Variants in SUSD1 observed in about 807,000 individuals in gnomAD.
SUSD1 encodes the protein sushi domain containing 1.
SUSD1 carries 65 observed loss-of-function variants against 86.9 expected under a neutral mutation model. The ratio of observed to expected loss-of-function variants is 0.75; its 90% CI spans 0.61 to 0.92. SUSD1 has a LOEUF of 0.92. SUSD1 is among the 40% of genes least tolerant of loss of function. SUSD1 has a pLI of 0.00. For missense variants in SUSD1, 850 were observed against 929.7 expected, an observed-to-expected ratio of 0.91 and a Z score of 1.11; for synonymous variants, 346 against 350.0, an observed-to-expected ratio of 0.99 and a Z score of 0.13.
intron 3 of SUSD1, among the ~76,000 whole-genome samples, chr9:112,144,752 T>C (rs1260736047): frequency 6.6e-6 from 1 of 152,216 alleles, no homozygotes; most frequent in South Asian, 2.1e-4. Flanking sequence ...CTTACTAATT[T>C]TATGAAAATG....
At chr9:112,164,000 C>CAA (rs1167956245) in intron 1 of SUSD1, among the ~76,000 whole-genome samples, 1 of 141,640 alleles carries the variant, frequency 7.1e-6, no homozygotes, top group Non-Finnish European at 1.5e-5. Flanking sequence ...GACTCTGTCT[C>CAA]AAAAAAAAAA....
At chr9:112,044,921 T>C (rs895538597) in intron 15 of SUSD1, among the ~76,000 whole-genome samples, 1 of 151,820 alleles carries the variant, frequency 6.6e-6, no homozygotes, top group African/African-American at 2.4e-5. Flanking sequence ...ATACAGAGAG[T>C]GTTACAGATT....
chr9:112,160,232 T>G (rs771912480), intron 1 of SUSD1, among the ~76,000 whole-genome samples: 2 of 152,112 alleles, frequency 1.3e-5, no homozygotes, highest in African/African-American at 2.4e-5. Flanking sequence ...AGACAAAAGA[T>G]GCTAAAAGTA....
intron 9 of SUSD1, among the ~76,000 whole-genome samples, chr9:112,099,194 C>T (rs1830526321): frequency 6.6e-6 from 1 of 152,108 alleles, no homozygotes; most frequent in African/African-American, 2.4e-5. Context: ...AGGCATGCAC[C>T]ACCACACCTG....
intron 13 of SUSD1, 43 bp downstream of exon 13, chr9:112,062,894 A>G: frequency 5.9e-6 from 8 of 1,345,166 alleles, no homozygotes; most frequent in Non-Finnish European, 6.3e-6. Context: ...AAAACACTCC[A>G]TGGGGATCAC....
chr9:112,042,278 A>C, intron 15 of SUSD1: 2 of 833,290 alleles, frequency 2.4e-6, no homozygotes, highest in Non-Finnish European at 3.7e-6. Context: ...TGGTCCTCTC[A>C]CAATCAATTA....
chr9:112,103,674 T>C (rs754048227), intron 8 of SUSD1, among the ~76,000 whole-genome samples: 2 of 152,110 alleles, frequency 1.3e-5, no homozygotes, highest in Non-Finnish European at 2.9e-5. Context: ...TAAAAATGGG[T>C]CAAAATTTGC....
intron 1 of SUSD1, among the ~76,000 whole-genome samples, chr9:112,172,374 C>T (rs1589764221): frequency 6.6e-6 from 1 of 152,204 alleles, no homozygotes; most frequent in Non-Finnish European, 1.5e-5. Flanking sequence ...CTCCTAGTTT[C>T]CTTGACTAAA....
At chr9:112,072,622 T>C (rs1019303412) in intron 12 of SUSD1, among the ~76,000 whole-genome samples, 1 of 152,200 alleles carries the variant, frequency 6.6e-6, no homozygotes, top group African/African-American at 2.4e-5. Flanking sequence ...ATTCAGATGC[T>C]GGTAGCAAGA....
At chr9:112,083,406 G>A (rs961366860) in intron 10 of SUSD1, among the ~76,000 whole-genome samples, 2 of 151,944 alleles carry the variant, frequency 1.3e-5, no homozygotes, top group African/African-American at 4.8e-5. Flanking sequence ...TGTTGTATTT[G>A]TAGTAGAAAC....
intron 1 of SUSD1, among the ~76,000 whole-genome samples, chr9:112,172,547 C>T (rs1049886102): frequency 3.0e-4 from 46 of 152,204 alleles, no homozygotes; most frequent in African/African-American, 1.1e-3. Context: ...GATTTCATCT[C>T]TCCAAATCCA....
At chr9:112,046,589 C>G (rs1361138256) in intron 15 of SUSD1, among the ~76,000 whole-genome samples, 1 of 152,212 alleles carries the variant, frequency 6.6e-6, no homozygotes, top group Non-Finnish European at 1.5e-5. Context: ...CCTATTTCTA[C>G]TCTCAGACTT....
At chr9:112,155,276 C>G (rs1052021690) in intron 2 of SUSD1, among the ~76,000 whole-genome samples, 22 of 151,804 alleles carry the variant, frequency 1.4e-4, no homozygotes, top group Non-Finnish European at 2.7e-4. Flanking sequence ...AAAGGGCAAG[C>G]TAGCACCCAT....
At chr9:112,102,454 C>T (rs4979082) in intron 8 of SUSD1, among the ~76,000 whole-genome samples, 169 bp from the exon 9 acceptor site, 1 of 152,108 alleles carries the variant, frequency 6.6e-6, no homozygotes, top group African/African-American at 2.4e-5. Context: ...GGCTCTCCAG[C>T]TTCTCAATTG....
At chr9:112,111,429 C>G (rs144371123) in intron 8 of SUSD1, among the ~76,000 whole-genome samples, 1 of 152,076 alleles carries the variant, frequency 6.6e-6, no homozygotes, top group Non-Finnish European at 1.5e-5. Flanking sequence ...CCACCTCTCC[C>G]GGAGGGCTCA....
intron 7 of SUSD1, 106 bp downstream of exon 7, chr9:112,112,665 A>T: frequency 1.4e-6 from 1 of 726,378 alleles, no homozygotes; most frequent in Non-Finnish European, 2.3e-6. Context: ...AAGAAAAAAA[A>T]ACAGCAATTA....
At chr9:112,108,469 C>T (rs781753222) in intron 8 of SUSD1, among the ~76,000 whole-genome samples, 6 of 151,886 alleles carry the variant, frequency 4.0e-5, no homozygotes, top group Non-Finnish European at 8.8e-5. Flanking sequence ...AGAAACAGAA[C>T]AATATAACCA....
At chr9:112,131,953 T>A (rs1220534341) in intron 5 of SUSD1, among the ~76,000 whole-genome samples, 1 of 152,228 alleles carries the variant, frequency 6.6e-6, no homozygotes, top group Non-Finnish European at 1.5e-5. Flanking sequence ...GAATGTGTTG[T>A]GCTGGTTTCA....
At chr9:112,156,392 G>A (rs1833320241) in intron 2 of SUSD1, among the ~76,000 whole-genome samples, 1 of 151,534 alleles carries the variant, frequency 6.6e-6, no homozygotes, top group African/African-American at 2.4e-5. Context: ...AACCTCGGAG[G>A]CGGAGGCTGC....
Sources: allele counts gnomAD v4.1 joint callset (sites outside exome capture counted in the v4.1 genomes callset), GRCh38; gene constraint gnomAD v4.1.1; transcripts MANE v1.5; gene names NCBI Gene and HGNC (gene_info 2026-07-23, HGNC 2026-07-21).